The following CDH2 variants were observed in gnomAD, a reference collection of about 807,000 sequenced individuals.
CDH2 encodes cadherin-2.
Under a neutral mutation model 92.0 loss-of-function variants are expected in CDH2, and 17 were observed. That is an observed-to-expected ratio of 0.18 (90% CI 0.13 to 0.28). The LOEUF (loss-of-function observed/expected upper bound fraction) is 0.28, where lower values mean the gene tolerates loss of function less well. Among genes scored for constraint, CDH2 ranks in the 10% least tolerant of loss-of-function variants. The probability of loss-of-function intolerance (pLI) is 1.00; values close to 1 mark genes in which losing one functional copy is unlikely to be tolerated. For synonymous variants in CDH2, 419 were observed against 415.9 expected, an observed-to-expected ratio of 1.01 and a Z score of -0.09; for missense variants, 862 against 1,133.1, an observed-to-expected ratio of 0.76 and a Z score of 3.44.
chr18:27,989,385 TTTA>T (rs2012337038), intron 10 of CDH2, among the ~76,000 whole-genome samples: 1 of 152,216 alleles, frequency 6.6e-6, no homozygotes, highest in Non-Finnish European at 1.5e-5. Flanking sequence ...TAACTGGCTA[TTTA>T]TTAATAGTTA....
chr18:28,147,439 A>T (rs1356234248), intron 2 of CDH2, among the ~76,000 whole-genome samples: 1 of 152,136 alleles, frequency 6.6e-6, no homozygotes. Context: ...TTCTCTGTAA[A>T]TTAAAAATGG....
At chr18:28,117,492 G>C (rs1437792127) in intron 2 of CDH2, among the ~76,000 whole-genome samples, 1 of 152,082 alleles carries the variant, frequency 6.6e-6, no homozygotes, top group Non-Finnish European at 1.5e-5. Flanking sequence ...ACAGTAGAAA[G>C]AGGCTCCATG....
intron 2 of CDH2, among the ~76,000 whole-genome samples, chr18:28,105,532 TAC>T (rs1013486055): frequency 2.0e-5 from 3 of 152,008 alleles, no homozygotes; most frequent in Admixed American, 1.3e-4. Context: ...AGAAAAAAAA[TAC>T]AGTCTCAATT....
At chr18:28,061,278 C>A (rs2014397613) in intron 2 of CDH2, among the ~76,000 whole-genome samples, 1 of 152,142 alleles carries the variant, frequency 6.6e-6, no homozygotes, top group African/African-American at 2.4e-5. Context: ...GTCCACAAAA[C>A]ACCCTCCTTT....
chr18:27,959,482 A>T (rs2011341418), intron 15 of CDH2: 1 of 152,224 alleles, frequency 6.6e-6, no homozygotes, highest in Non-Finnish European at 1.5e-5. Flanking sequence ...CCTTTTAAAT[A>T]TTTTTATAAA....
intron 15 of CDH2, among the ~76,000 whole-genome samples, chr18:27,961,268 A>T (rs1462258353): frequency 1.3e-5 from 2 of 151,332 alleles, no homozygotes; most frequent in Admixed American, 1.3e-4. Context: ...GCTAGGTAAC[A>T]TACTAGATGT....
At chr18:28,013,587 C>A in intron 3 of CDH2, 96 bp downstream of exon 3, 1 of 805,900 alleles carries the variant, frequency 1.2e-6, no homozygotes, top group Non-Finnish European at 2.1e-6. Flanking sequence ...AAATAGTGGC[C>A]ATCCATTAAT....
chr18:28,043,495 AAT>A (rs369458635), intron 2 of CDH2, among the ~76,000 whole-genome samples: 4 of 87,366 alleles, frequency 4.6e-5, no homozygotes, highest in African/African-American at 1.4e-4. Context: ...TATATATATA[AAT>A]ATATATATAT....
intron 4 of CDH2, 72 bp from the exon 5 acceptor site, chr18:28,009,944 C>T: frequency 8.4e-7 from 1 of 1,188,516 alleles, no homozygotes; most frequent in African/African-American, 1.5e-5. Context: ...GGGCACATCA[C>T]ACTTCATGCC....
rs779873167 is a variant in CDH2, at chr18:27,992,755, G to C, written c.1244C>G (p.Ala415Gly). 1.9e-6 allele frequency: 3 copies of C among 1,613,896 alleles called. No homozygotes were observed. Among genetic ancestry groups the C allele is most frequent in the Non-Finnish European group, 2.5e-6 (3 of 1,179,816 alleles). ...ACTGATTCTGTACACTGCGTTCCAG[G>C]CTGGTGTATGGGGTTGATCCTTATC... ...VTDKDQPHTPAWNAVYRISGG... is the reference protein window; with the variant it reads ...VTDKDQPHTPGWNAVYRISGG... Residue 415 changes from alanine to glycine, a missense_variant, in exon 9 of 16, where the codon GCC becomes GGC. Physicochemically the swap from Ala to Gly is moderately conservative, Grantham distance 60 (BLOSUM62 0). This residue lies in a region of CDH2 where 564 missense variants were observed against 722.2 expected (regional missense o/e 0.78). Coordinates refer to ENST00000269141, the MANE Select transcript of CDH2 (RefSeq NM_001792.5).
intron 2 of CDH2, among the ~76,000 whole-genome samples, chr18:28,040,389 G>A (rs1261134630): frequency 6.6e-5 from 10 of 152,108 alleles, no homozygotes; most frequent in South Asian, 2.1e-4. Flanking sequence ...CCAGTGGAGC[G>A]AGTTCCATCA....
chr18:27,992,416 T>C (rs1460986753), intron 9 of CDH2, among the ~76,000 whole-genome samples: 1 of 152,126 alleles, frequency 6.6e-6, no homozygotes, highest in African/African-American at 2.4e-5. Flanking sequence ...AAAACTCTCA[T>C]CATAAAACTC....
intron 2 of CDH2, among the ~76,000 whole-genome samples, chr18:28,091,475 A>G (rs981362570): frequency 6.6e-5 from 10 of 151,502 alleles, no homozygotes; most frequent in African/African-American, 1.7e-4. Flanking sequence ...AAGTAGTGGG[A>G]AAAAAAAACC....
At chr18:28,095,503 G>C (rs796954520) in intron 2 of CDH2, among the ~76,000 whole-genome samples, 5 of 152,140 alleles carry the variant, frequency 3.3e-5, no homozygotes, top group African/African-American at 1.2e-4. Flanking sequence ...TCCAGAAAAG[G>C]GGACACAGGC....
intron 6 of CDH2, among the ~76,000 whole-genome samples, chr18:27,937,091 T>C (rs1909037520): frequency 6.6e-6 from 1 of 152,214 alleles, no homozygotes; most frequent in Admixed American, 6.5e-5. Flanking sequence ...TTTCATTTTA[T>C]TTCTCTTTTC....
chr18:27,934,718 AC>A (rs17467795), intron 6 of CDH2, among the ~76,000 whole-genome samples: 1 of 58,148 alleles, frequency 1.7e-5, no homozygotes. Flanking sequence ...AATTAAATTA[AC>A]TAATCAATTA....
At chr18:28,054,850 A>G (rs1287762721) in intron 2 of CDH2, among the ~76,000 whole-genome samples, 1 of 152,132 alleles carries the variant, frequency 6.6e-6, no homozygotes, top group Non-Finnish European at 1.5e-5. Flanking sequence ...CTATACTCCT[A>G]AATTTTTTCT....
intron 2 of CDH2, among the ~76,000 whole-genome samples, chr18:28,029,028 T>A (rs2013627895): frequency 6.6e-6 from 1 of 152,160 alleles, no homozygotes; most frequent in South Asian, 2.1e-4. Flanking sequence ...GAAAAAATCA[T>A]GGCTTCCCAA....
intron 2 of CDH2, among the ~76,000 whole-genome samples, chr18:28,074,692 T>C (rs1599080494): frequency 1.2e-5 from 1 of 85,720 alleles, no homozygotes; most frequent in Non-Finnish European, 2.1e-5. Flanking sequence ...AAGGAGGCCC[T>C]TTTTTTTTTT....
Sources: gnomAD v4.1 joint callset for allele counts (sites outside exome capture counted in the v4.1 genomes callset) on GRCh38, gnomAD v4.1.1 for gene constraint, gnomAD v4.1.1 regional missense constraint, MANE v1.5 for transcripts, NCBI Gene and HGNC (gene_info 2026-07-23, HGNC 2026-07-21) for gene names.